ZXDC: variants seen among roughly 807,000 people sequenced by gnomAD.
The protein encoded by ZXDC is zinc finger protein ZXDC.
Under a neutral mutation model 63.6 loss-of-function variants are expected in ZXDC, and 58 were observed. The observed-to-expected ratio is 0.91, with a 90% confidence interval of 0.74 to 1.13. ZXDC has a LOEUF of 1.13. Among genes scored for constraint, ZXDC ranks in the 50% most tolerant of loss-of-function variants. The pLI is 0.00. For synonymous variants in ZXDC, 561 were observed against 496.1 expected (o/e 1.13, Z -1.74); for missense variants, 1,133 against 1,148.9 (o/e 0.99, Z 0.20).
intron 7 of ZXDC, among the ~76,000 whole-genome samples, chr3:126,458,402 A>G (rs1392228196): frequency 6.6e-6 from 1 of 151,900 alleles, no homozygotes; most frequent in Non-Finnish European, 1.5e-5. Context: ...ACGCCTGGCT[A>G]ATTTTTTTGT....
chr3:126,455,776 T>C lies in ZXDC; in HGVS notation c.2212+3877A>G, dbSNP rs1282313893. 2.0e-5 allele frequency among the ~76,000 whole-genome samples: 3 copies of C among 151,836 alleles called. No individual in the cohort carries two copies. In the East Asian group the frequency reaches 5.8e-4, roughly 29 times the overall value. On this transcript the variant is annotated intron_variant, in intron 7 of 9. Transcript: ENST00000389709. ...ACTTTGGGAGGCCGAGGCGGGCGGA[T>C]CACAAGGTCAGGAGATGGAGACCAT...
At chr3:126,445,699 A>C (rs1225320339) in intron 7 of ZXDC, among the ~76,000 whole-genome samples, 1 of 151,962 alleles carries the variant, frequency 6.6e-6, no homozygotes, top group Non-Finnish European at 1.5e-5. Context: ...TGGAAGATGA[A>C]CCTGGAAAGG....
chr3:126,457,129 T>TG (rs1189001063), intron 7 of ZXDC: 1 of 408,834 alleles, frequency 2.4e-6, no homozygotes, highest in Admixed American at 6.4e-5. Flanking sequence ...ACATGGAACC[T>TG]GGAACAGGGA....
At chr3:126,453,541 C>T (rs1004595881) in intron 7 of ZXDC, 19 of 985,434 alleles carry the variant, frequency 1.9e-5, no homozygotes, top group Non-Finnish European at 2.2e-5. Flanking sequence ...CTAAGACCCT[C>T]ACATGTAATC....
intron 7 of ZXDC, chr3:126,458,747 T>C (rs1349491973): frequency 2.0e-6 from 2 of 985,336 alleles, no homozygotes; most frequent in African/African-American, 3.5e-5. Context: ...TGGTATATGG[T>C]CAACTCTTTC....
At chr3:126,474,300 G>C (rs1419196462) in intron 1 of ZXDC, among the ~76,000 whole-genome samples, 1 of 152,044 alleles carries the variant, frequency 6.6e-6, no homozygotes, top group Non-Finnish European at 1.5e-5. Flanking sequence ...TCCTGACCTC[G>C]TAATCCGCCC....
Position 126,475,773 on chromosome 3 carries a change from G to A in ZXDC, c.93C>T (p.Leu31=), listed in dbSNP as rs543289827. ...GGCGGCGGCGCGCGGGGCTCGCGCC[G>A]AGCGGCGCTGGGGCTCGGCGGAGCG... ...PGPLRRAPAP[L]GASPARRRLL... is the part of the protein sequence containing the mutation. Residue 31 remains leucine, a synonymous_variant, in exon 1 of 10, where the codon CTC becomes CTT. Transcript: ENST00000389709. The A allele has an allele frequency of 1.6e-4, 185 of 1,136,412 alleles. 1 individual carries two copies. The African/African-American group carries it at 2.8e-3, about 17-fold the overall frequency. The allele number at this position is 1,136,412 out of a possible 1,614,324, so 70.4% of individuals were successfully genotyped here. A position where few individuals can be genotyped will look rare whatever the true frequency, so the allele number is the denominator to read the frequency against.
At chr3:126,474,720 T>A (rs367798924) in intron 1 of ZXDC, among the ~76,000 whole-genome samples, 5 of 152,394 alleles carry the variant, frequency 3.3e-5, no homozygotes, top group African/African-American at 1.2e-4. Context: ...GGATATCTGT[T>A]GCCGCCACCT....
At chr3:126,442,185 T>C in intron 7 of ZXDC, 1 of 396,328 alleles carries the variant, frequency 2.5e-6, no homozygotes, top group Non-Finnish European at 4.2e-6. Flanking sequence ...ATACGTATTT[T>C]TTTGCCAGAC....
intron 5 of ZXDC, among the ~76,000 whole-genome samples, chr3:126,465,084 C>T (rs1239179946): frequency 6.6e-6 from 1 of 152,194 alleles, no homozygotes. Context: ...GCCCCAAAGC[C>T]GGTGCTCTGC....
chr3:126,462,994 T>C (rs1934615907), intron 5 of ZXDC, among the ~76,000 whole-genome samples: 1 of 151,958 alleles, frequency 6.6e-6, no homozygotes, highest in South Asian at 2.1e-4. Flanking sequence ...CTCCTGAGGG[T>C]GGAGAGCCAT....
At chr3:126,471,125 C>T (rs986718980) in intron 3 of ZXDC, 100 bp from the exon 4 acceptor site, 11 of 1,459,656 alleles carry the variant, frequency 7.5e-6, no homozygotes, top group Non-Finnish European at 9.2e-6. Context: ...TTTGCATTTA[C>T]AAAAATGATC....
chr3:126,466,455 C>G lies in ZXDC; in HGVS notation c.1271-130G>C, dbSNP rs945716132. On this transcript the variant is annotated intron_variant, in intron 4 of 9. Transcript: ENST00000389709. ...CCCTGGCTACTGGCAAGGACAGAGA[C>G]CAAATATCTCTAGAAGTAGCATCAC... 14 of 923,980 alleles carry G rather than the reference C, an allele frequency of 1.5e-5. No homozygotes were observed. In the African/African-American group the frequency reaches 2.2e-4, roughly 14 times the overall value. The allele number at this position is 923,980 out of a possible 1,614,324, so 57.2% of individuals were successfully genotyped here. A position where few individuals can be genotyped will look rare whatever the true frequency, so the allele number is the denominator to read the frequency against.
At chr3:126,449,558 G>A (rs1036951479) in intron 7 of ZXDC, among the ~76,000 whole-genome samples, 1 of 152,244 alleles carries the variant, frequency 6.6e-6, no homozygotes, top group Non-Finnish European at 1.5e-5. Flanking sequence ...CCCTACGACT[G>A]ATGCTTTGAA....
chr3:126,469,050 C>T (rs983279505), intron 4 of ZXDC, among the ~76,000 whole-genome samples: 4 of 152,214 alleles, frequency 2.6e-5, no homozygotes, highest in Non-Finnish European at 4.4e-5. Flanking sequence ...CCAGCCTTCT[C>T]AACAACCCTG....
At chr3:126,467,789 G>A (rs999682770) in intron 4 of ZXDC, among the ~76,000 whole-genome samples, 7 of 152,048 alleles carry the variant, frequency 4.6e-5, no homozygotes, top group Non-Finnish European at 7.4e-5. Context: ...TTTCCCAGCT[G>A]GGGGTCCTGA....
At chr3:126,451,305 C>A (rs999291007) in intron 7 of ZXDC, 1 of 985,188 alleles carries the variant, frequency 1.0e-6, no homozygotes, top group Non-Finnish European at 1.2e-6. Flanking sequence ...CTCAACACAC[C>A]CACTTTTTCT....
intron 1 of ZXDC, 84 bp downstream of exon 1, chr3:126,474,875 G>C: frequency 2.1e-6 from 3 of 1,438,616 alleles, no homozygotes; most frequent in Non-Finnish European, 1.8e-6. Context: ...CTAAGGTCTG[G>C]CAGGCCCCTC....
Position 126,459,263 on chromosome 3 carries a change from C to T in ZXDC, c.2212+390G>A, listed in dbSNP as rs532482796. ...ACAGTTTGGCTCCATGTACACGTACCTGGGGACAGTGGCAGTCCCCAGGTC... is the reference window on the plus strand; with the variant it reads ...ACAGTTTGGCTCCATGTACACGTACTTGGGGACAGTGGCAGTCCCCAGGTC... On this transcript the variant is annotated intron_variant, in intron 7 of 9. Transcript: ENST00000389709. The T allele has an allele frequency of 1.2e-4, 117 of 985,386 alleles. No homozygotes were observed. The African/African-American group carries it at 1.8e-3, about 16-fold the overall frequency. The allele number at this position is 985,386 out of a possible 1,614,324, so 61.0% of individuals were successfully genotyped here. A position where few individuals can be genotyped will look rare whatever the true frequency, so the allele number is the denominator to read the frequency against.
Sources: gnomAD v4.1 joint callset for allele counts (sites outside exome capture counted in the v4.1 genomes callset) on GRCh38, gnomAD v4.1.1 for gene constraint, MANE v1.5 for transcripts, NCBI Gene and HGNC (gene_info 2026-07-23, HGNC 2026-07-21) for gene names.